Variants in FGF18 observed in about 807,000 individuals in gnomAD.
FGF18 encodes the protein fibroblast growth factor 18.
In FGF18, 5 loss-of-function variants were observed where a neutral mutation model predicts 23.0. That is an observed-to-expected ratio of 0.22 (90% CI 0.11 to 0.46). The LOEUF (loss-of-function observed/expected upper bound fraction) is 0.46, where lower values mean the gene tolerates loss of function less well. Among genes scored for constraint, FGF18 ranks in the 20% least tolerant of loss-of-function variants. The probability of loss-of-function intolerance (pLI) is 0.99; values close to 1 mark genes in which losing one functional copy is unlikely to be tolerated. For synonymous variants in FGF18, 117 were observed against 118.9 expected, an observed-to-expected ratio of 0.98 and a Z score of 0.10; for missense variants, 180 against 291.6, an observed-to-expected ratio of 0.62 and a Z score of 2.79.
At chr5:171,433,437 G>C (rs1772207618) in intron 2 of FGF18, among the ~76,000 whole-genome samples, 1 of 152,196 alleles carries the variant, frequency 6.6e-6, no homozygotes, top group African/African-American at 2.4e-5. Flanking sequence ...CCTTGGGGGA[G>C]GGGACAGGGC....
At chr5:171,438,292 G>A (rs889450458) in intron 3 of FGF18, among the ~76,000 whole-genome samples, 2 of 151,938 alleles carry the variant, frequency 1.3e-5, no homozygotes, top group African/African-American at 4.8e-5. Flanking sequence ...AATAGAGACG[G>A]GGTTTCGCCA....
chr5:171,452,271 C>T (rs1020633688), intron 4 of FGF18, among the ~76,000 whole-genome samples: 3 of 152,226 alleles, frequency 2.0e-5, no homozygotes, highest in East Asian at 1.9e-4. Context: ...AGCCAGGTCA[C>T]GAGGTCACTT....
In FGF18 at chr5:171,456,658, G is replaced by A. The variant is rs768567377; in HGVS notation, c.477G>A (p.Pro159=). ...TGGGCTTCACCAAGAAGGGGCGGCC[G>A]CGGAAGGGCCCCAAGACCCGGGAGA... is the stretch of plus-strand genomic sequence containing the variant. ...WYVGFTKKGR[P]RKGPKTRENQ... The change falls in exon 5 of 5, where the codon CCG becomes CCA. Residue 159 remains proline (P), a synonymous_variant. Transcript: ENST00000274625. The surrounding 1 kb of genome is among the most constrained non-coding windows in gnomAD (Gnocchi z 6.1). 2.6e-5 allele frequency: 42 copies of A among 1,613,908 alleles called. No individual in the cohort carries two copies. The highest frequency in any genetic ancestry group is 6.7e-5 in the East Asian group (3 of 44,852).
Position 171,440,560 on chromosome 5 carries a change from G to T in FGF18, c.250+4287G>T, listed in dbSNP as rs1772326590. On this transcript the variant is annotated intron_variant, in intron 3 of 4. Transcript: ENST00000274625. The surrounding 1 kb of genome is among the most constrained non-coding windows in gnomAD (Gnocchi z 4.0). The stretch of plus-strand genomic sequence containing the variant: ...CGTCCCAGCCATCAAAGAGCCTTCA[G>T]TCTAGGGCCCCCATTCCTTACTAGA... Among the ~76,000 whole-genome samples, 1 of 152,134 alleles carries T rather than the reference G, an allele frequency of 6.6e-6. No individual in the cohort carries two copies. Among genetic ancestry groups the T allele is most frequent in the Non-Finnish European group, 1.5e-5 (1 of 68,026 alleles).
intron 4 of FGF18, among the ~76,000 whole-genome samples, chr5:171,450,799 C>T (rs1337207255): frequency 1.3e-5 from 2 of 152,042 alleles, no homozygotes; most frequent in Non-Finnish European, 2.9e-5. Flanking sequence ...CCTGGCCGGT[C>T]GTTTCCTGTG....
chr5:171,428,853 G>C (rs759415345), intron 2 of FGF18, among the ~76,000 whole-genome samples: 3 of 152,218 alleles, frequency 2.0e-5, no homozygotes, highest in Admixed American at 6.5e-5. Context: ...TCCAGGGTTG[G>C]CTGCCTGCAG....
Position 171,456,769 on chromosome 5 carries a change from G to A in FGF18, c.588G>A (p.Lys196=), listed in dbSNP as rs1772588737. ...QKPFKYTTVT[K]RSRRIRPTHP... Reference sequence around the variant, plus strand: ...CCTTCAAGTACACGACGGTGACCAAGAGGTCCCGTCGGATCCGGCCCACAC... The same window carrying A: ...CCTTCAAGTACACGACGGTGACCAAAAGGTCCCGTCGGATCCGGCCCACAC... The change falls in exon 5 of 5, where the codon AAG becomes AAA. Residue 196 remains lysine, a synonymous_variant. Transcript: ENST00000274625. The surrounding 1 kb of genome is among the most constrained non-coding windows in gnomAD (Gnocchi z 6.1). 1 of 1,613,988 alleles carries A rather than the reference G, an allele frequency of 6.2e-7. No individual in the cohort carries two copies. Among genetic ancestry groups the A allele is most frequent in the Non-Finnish European group, 8.5e-7 (1 of 1,180,018 alleles).
At position 171,425,221 on chromosome 5, in the gene FGF18, G is replaced by A. The variant is rs184184395; in HGVS notation, c.69+4778G>A. On this transcript the variant is annotated intron_variant, in intron 2 of 4. Coordinates refer to ENST00000274625, the MANE Select transcript of FGF18 (RefSeq NM_003862.3). ...ATTCATAGTGACCACCAGGTATAGT[G>A]CACTCACTACATGCCAAGTGCTTTT... 3.6e-3 allele frequency among the ~76,000 whole-genome samples: 542 copies of A among 152,320 alleles called. 7 individuals are homozygous for A. The highest frequency in any genetic ancestry group is 2.7e-3 in the Admixed American group (41 of 15,300).
At chr5:171,428,154 G>A (rs181557993) in intron 2 of FGF18, among the ~76,000 whole-genome samples, 243 of 152,350 alleles carry the variant, frequency 1.6e-3, no homozygotes, top group African/African-American at 5.2e-3. Context: ...GTTCCTGGAA[G>A]TCAAAGGGAG....
At chr5:171,453,424 T>C (rs1293801260) in intron 4 of FGF18, among the ~76,000 whole-genome samples, 1 of 152,144 alleles carries the variant, frequency 6.6e-6, no homozygotes, top group Admixed American at 6.5e-5. Context: ...TCCTTGTACA[T>C]CCAAAACCTC....
At chr5:171,420,856 G>T (rs1771994467) in intron 2 of FGF18, among the ~76,000 whole-genome samples, 1 of 152,236 alleles carries the variant, frequency 6.6e-6, no homozygotes, top group South Asian at 2.1e-4. Context: ...AGTGGATTTC[G>T]AGTCCAGGGA....
At position 171,434,173 on chromosome 5, in the gene FGF18, A is replaced by G. The variant is rs1227835056; in HGVS notation, c.70-1920A>G. Among the ~76,000 whole-genome samples, 1 of 152,162 alleles carries G rather than the reference A, an allele frequency of 6.6e-6. No individual in the cohort carries two copies. Among genetic ancestry groups the G allele is most frequent in the Non-Finnish European group, 1.5e-5 (1 of 68,026 alleles). ...TGCCCGCAGGGGTGGGGCACAGGAA[A>G]CACAGTCTTTAGGGTCACAAGGCCT... On this transcript the variant is annotated intron_variant, in intron 2 of 4. Coordinates refer to ENST00000274625, the MANE Select transcript of FGF18 (RefSeq NM_003862.3). The surrounding 1 kb of genome is among the most constrained non-coding windows in gnomAD (Gnocchi z 4.6).
chr5:171,435,904 G>A (rs1020573498), intron 2 of FGF18, among the ~76,000 whole-genome samples, 189 bp from the exon 3 acceptor site: 1 of 152,128 alleles, frequency 6.6e-6, no homozygotes, highest in Non-Finnish European at 1.5e-5. Context: ...AACTTGCCTC[G>A]CCTCTCAGAG....
intron 4 of FGF18, among the ~76,000 whole-genome samples, chr5:171,453,455 A>C (rs760670777): frequency 1.3e-5 from 2 of 152,140 alleles, no homozygotes; most frequent in Non-Finnish European, 2.9e-5. Flanking sequence ...AATGGTGGCT[A>C]TGTGGGCCTG....
intron 3 of FGF18, among the ~76,000 whole-genome samples, chr5:171,446,639 G>A (rs1298115051): frequency 6.6e-6 from 1 of 152,124 alleles, no homozygotes; most frequent in Non-Finnish European, 1.5e-5. Flanking sequence ...CCAGCTCAGT[G>A]GCTTTACCTA....
chr5:171,420,536 AC>A, intron 2 of FGF18, 93 bp downstream of exon 2: 2 of 1,264,266 alleles, frequency 1.6e-6, no homozygotes, highest in Non-Finnish European at 2.3e-6. Context: ...CCTGTGCCCC[AC>A]CCCTCCTGGG....
At chr5:171,430,527 G>A (rs1356204822) in intron 2 of FGF18, among the ~76,000 whole-genome samples, 3 of 144,420 alleles carry the variant, frequency 2.1e-5, no homozygotes, top group African/African-American at 5.8e-5. Context: ...GGTGGCTCAC[G>A]CCTGTAATCC....
chr5:171,445,222 G>T (rs935333828), intron 3 of FGF18, among the ~76,000 whole-genome samples: 1 of 152,186 alleles, frequency 6.6e-6, no homozygotes, highest in Non-Finnish European at 1.5e-5. Flanking sequence ...AGGCAAGGAA[G>T]GGAGGCAGGG....
chr5:171,430,794 CAAAAAAA>C (rs566577499), intron 2 of FGF18, among the ~76,000 whole-genome samples: 19 of 53,826 alleles, frequency 3.5e-4, no homozygotes, highest in Non-Finnish European at 5.1e-4. Context: ...GACTCCGTCT[CAAAAAAA>C]AAAAAAAAAA....
Sources: allele counts gnomAD v4.1 joint callset (sites outside exome capture counted in the v4.1 genomes callset), GRCh38; gene constraint gnomAD v4.1.1; non-coding constraint Gnocchi (gnomAD v3.1); transcripts MANE v1.5; gene names NCBI Gene and HGNC (gene_info 2026-07-23, HGNC 2026-07-21).